Variants in ADGRL3 observed in about 807,000 individuals in gnomAD.
The protein encoded by ADGRL3 is adhesion G protein-coupled receptor L3, also known as calcium-independent alpha-latrotoxin receptor 3.
A neutral mutation model predicts 153.5 loss-of-function variants in ADGRL3; 62 were observed. That is an observed-to-expected ratio of 0.40 (90% CI 0.33 to 0.50). The LOEUF is 0.50. ADGRL3 is among the 20% of genes least tolerant of loss of function. The probability of loss-of-function intolerance (pLI) is 0.47; values close to 1 mark genes in which losing one functional copy is unlikely to be tolerated. For synonymous variants in ADGRL3, 710 were observed against 672.5 expected, an observed-to-expected ratio of 1.06 and a Z score of -0.86; for missense variants, 1,641 against 1,859.4, an observed-to-expected ratio of 0.88 and a Z score of 2.16.
At chr4:61,770,118 G>C (rs570481905) in intron 8 of ADGRL3, among the ~76,000 whole-genome samples, 1 of 152,164 alleles carries the variant, frequency 6.6e-6, no homozygotes, top group African/African-American at 2.4e-5. Context: ...TCAGTAAAAC[G>C]TATTAGTAAA....
At chr4:61,203,890 A>C (rs530409855) in intron 1 of ADGRL3, among the ~76,000 whole-genome samples, 1 of 141,672 alleles carries the variant, frequency 7.1e-6, no homozygotes, top group Non-Finnish European at 1.5e-5. Context: ...GTGTTGAATT[A>C]TCTCTCAGCT....
chr4:61,411,025 G>T (rs965896200), intron 2 of ADGRL3, among the ~76,000 whole-genome samples: 1 of 152,158 alleles, frequency 6.6e-6, no homozygotes, highest in African/African-American at 2.4e-5. Context: ...GATAAAATTG[G>T]TAAGAATTTC....
intron 1 of ADGRL3, among the ~76,000 whole-genome samples, chr4:61,219,819 A>T (rs1744560829): frequency 6.6e-6 from 1 of 152,182 alleles, no homozygotes; most frequent in Non-Finnish European, 1.5e-5. Flanking sequence ...GAAAATATAA[A>T]GTCATCTGCC....
intron 15 of ADGRL3, among the ~76,000 whole-genome samples, chr4:61,936,642 C>G (rs985611188): frequency 6.6e-6 from 1 of 151,914 alleles, no homozygotes; most frequent in Non-Finnish European, 1.5e-5. Flanking sequence ...TAAACGTACA[C>G]ACATATATGT....
intron 4 of ADGRL3, among the ~76,000 whole-genome samples, chr4:61,552,937 G>A (rs1032433815): frequency 6.6e-6 from 1 of 152,028 alleles, no homozygotes; most frequent in Non-Finnish European, 1.5e-5. Flanking sequence ...ATTTATGAAG[G>A]CCTTACAGTG....
intron 1 of ADGRL3, among the ~76,000 whole-genome samples, chr4:61,368,402 G>T (rs1312402079): frequency 1.3e-5 from 2 of 152,236 alleles, no homozygotes; most frequent in East Asian, 1.9e-4. Flanking sequence ...ATTGATTTTT[G>T]TATAAGGTGT....
At chr4:61,825,001 G>A (rs17292044) in intron 9 of ADGRL3, among the ~76,000 whole-genome samples, 8,161 of 152,124 alleles carry the variant, frequency 0.054, 368 homozygotes, top group African/African-American at 0.12. Context: ...CTGCTAAAAG[G>A]CATATGCTTC....
intron 11 of ADGRL3, among the ~76,000 whole-genome samples, chr4:61,900,518 A>T (rs1195706692): frequency 6.6e-6 from 1 of 152,208 alleles, no homozygotes; most frequent in Non-Finnish European, 1.5e-5. Context: ...AACTAGCTGG[A>T]ATACATTCAT....
chr4:61,706,945 A>C (rs1265873176), intron 6 of ADGRL3, among the ~76,000 whole-genome samples: 1 of 152,134 alleles, frequency 6.6e-6, no homozygotes, highest in Non-Finnish European at 1.5e-5. Context: ...TACTAAACTT[A>C]ATCATTCTAG....
intron 2 of ADGRL3, among the ~76,000 whole-genome samples, chr4:61,400,604 A>G (rs897202157): frequency 1.2e-4 from 18 of 151,824 alleles, no homozygotes; most frequent in Non-Finnish European, 1.5e-4. Flanking sequence ...GCTGCTAATT[A>G]GAATTGGATA....
At chr4:61,370,323 G>A (rs2096494928) in intron 1 of ADGRL3, among the ~76,000 whole-genome samples, 1 of 151,272 alleles carries the variant, frequency 6.6e-6, no homozygotes, top group Admixed American at 6.6e-5. Flanking sequence ...TGTGATGTTA[G>A]GGTGTCAATT....
intron 5 of ADGRL3, among the ~76,000 whole-genome samples, chr4:61,604,870 C>T (rs923711670): frequency 1.3e-5 from 2 of 151,802 alleles, no homozygotes; most frequent in African/African-American, 2.4e-5. Context: ...GTAGATGGAT[C>T]ACTGAGGTCA....
chr4:62,033,207 G>A (rs1723109622), intron 23 of ADGRL3, among the ~76,000 whole-genome samples: 1 of 151,716 alleles, frequency 6.6e-6, no homozygotes, highest in Non-Finnish European at 1.5e-5. Flanking sequence ...GTCTGGGAGA[G>A]AGAGAGATGA....
chr4:61,273,004 C>T (rs1040703399), intron 1 of ADGRL3, among the ~76,000 whole-genome samples: 2 of 152,126 alleles, frequency 1.3e-5, no homozygotes, highest in African/African-American at 4.8e-5. Flanking sequence ...TACCTACACT[C>T]TCTACTACTC....
Position 61,419,067 on chromosome 4 carries a change from G to T in ADGRL3, c.-174+35878G>T, listed in dbSNP as rs1411631277. ...GACAATTATTTTGTTAAGAATGTTG[G>T]TATACTTTCTCACAATTTAAAACAT... On this transcript the variant is annotated intron_variant, in intron 2 of 26. Coordinates refer to ENST00000683033, the MANE Select transcript of ADGRL3 (RefSeq NM_001387552.1). Among the ~76,000 whole-genome samples, 33 of 150,528 alleles carry T rather than the reference G, an allele frequency of 2.2e-4. 1 individual carries two copies.
chr4:61,601,535 T>G (rs1319163537), intron 5 of ADGRL3, among the ~76,000 whole-genome samples: 1 of 152,230 alleles, frequency 6.6e-6, no homozygotes, highest in Non-Finnish European at 1.5e-5. Context: ...TTTGCACATA[T>G]TTGATATTGT....
At chr4:61,872,821 A>T (rs770491135) in intron 9 of ADGRL3, among the ~76,000 whole-genome samples, 1 of 152,190 alleles carries the variant, frequency 6.6e-6, no homozygotes, top group Non-Finnish European at 1.5e-5. Context: ...GAAAAGTAAC[A>T]ATTTTTTATT....
At chr4:61,607,428 C>G (rs899241475) in intron 5 of ADGRL3, among the ~76,000 whole-genome samples, 1 of 152,114 alleles carries the variant, frequency 6.6e-6, no homozygotes, top group Admixed American at 6.6e-5. Context: ...GAAACCCCAT[C>G]TCTACTTAAA....
intron 1 of ADGRL3, among the ~76,000 whole-genome samples, chr4:61,329,219 T>C (rs906178553): frequency 4.6e-5 from 7 of 152,182 alleles, no homozygotes; most frequent in Non-Finnish European, 1.0e-4. Flanking sequence ...ACTGATGCAG[T>C]TTCAAATAAC....
Sources: gnomAD v4.1 joint callset for allele counts (sites outside exome capture counted in the v4.1 genomes callset) on GRCh38, gnomAD v4.1.1 for gene constraint, MANE v1.5 for transcripts, NCBI Gene and HGNC (gene_info 2026-07-23, HGNC 2026-07-21) for gene names.